TSHZ3: variants seen among roughly 807,000 people sequenced by gnomAD.
The protein encoded by TSHZ3 is teashirt zinc finger homeobox 3, also known as teashirt homolog 3.
A neutral mutation model predicts 64.5 loss-of-function variants in TSHZ3; 10 were observed. The observed-to-expected ratio is 0.16, with a 90% CI of 0.10 to 0.26. TSHZ3 has a LOEUF of 0.26. Ranked by LOEUF, TSHZ3 falls within the 10% of genes least tolerant of loss-of-function variation. TSHZ3 has a pLI of 1.00. For missense variants in TSHZ3, 1,242 were observed against 1,421.7 expected (o/e 0.87, Z 2.03); for synonymous variants, 608 against 593.1 (o/e 1.03, Z -0.36).
chr19:31,183,010 C>T (rs1568339914), intron 5 of TSHZ3, among the ~76,000 whole-genome samples: 1 of 151,974 alleles, frequency 6.6e-6, no homozygotes, highest in Admixed American at 6.6e-5. Flanking sequence ...CAGTTGAAGG[C>T]CTTAAGAAAA....
chr19:31,234,520 T>C (rs1040595369), intron 3 of TSHZ3, among the ~76,000 whole-genome samples: 4 of 152,198 alleles, frequency 2.6e-5, no homozygotes, highest in Admixed American at 6.5e-5. Flanking sequence ...ATGATTTTCA[T>C]AGATGCCCAC....
intron 4 of TSHZ3, among the ~76,000 whole-genome samples, chr19:31,221,678 T>G (rs944418597): frequency 6.6e-6 from 1 of 152,226 alleles, no homozygotes; most frequent in African/African-American, 2.4e-5. Flanking sequence ...GTTATTTACA[T>G]GTCTACTCCC....
Position 31,168,575 on chromosome 19 carries a change from G to A in TSHZ3, n.810-12158C>T, listed in dbSNP as rs1974489563. On this transcript the variant is annotated intron_variant and non_coding_transcript_variant, in intron 5 of 6. Transcript: ENST00000651361. The stretch of plus-strand genomic sequence containing the variant: ...AACACCATAGGCTCTGAAGATTGAA[G>A]CGTATTATCATGACTAACTCAAAGG... Among the ~76,000 whole-genome samples, 4 of 152,356 alleles carry A rather than the reference G, an allele frequency of 2.6e-5. 1 individual carries two copies. The South Asian group carries it at 8.3e-4, about 32-fold the overall frequency.
At chr19:31,249,440 C>A (rs762911291) in intron 1 of TSHZ3, among the ~76,000 whole-genome samples, 1 of 152,230 alleles carries the variant, frequency 6.6e-6, no homozygotes, top group South Asian at 2.1e-4. Flanking sequence ...CCTGTCTGCC[C>A]GGGTCAACTG....
intron 5 of TSHZ3, among the ~76,000 whole-genome samples, chr19:31,193,829 C>A (rs887251217): frequency 6.6e-6 from 1 of 152,008 alleles, no homozygotes; most frequent in African/African-American, 2.4e-5. Context: ...GGAAAATTGG[C>A]AATGCAATTT....
downstream of TSHZ3, among the ~76,000 whole-genome samples, chr19:31,272,724 T>C (rs1029049244): frequency 6.6e-6 from 1 of 152,234 alleles, no homozygotes; most frequent in Non-Finnish European, 1.5e-5. Context: ...GAGCACATCA[T>C]AGCACCATAA....
intron 5 of TSHZ3, among the ~76,000 whole-genome samples, chr19:31,183,204 CTCTCTCTCTCTCTCTCTCTCTCTT>C (rs1322079595): frequency 2.6e-5 from 2 of 77,154 alleles, no homozygotes; most frequent in Non-Finnish European, 4.7e-5. Flanking sequence ...CTCTCTCTCT[CTCTCTCTCTCTCTCTCTCTCTCTT>C]TCTCTCTCTC....
chr19:31,344,893 G>A (rs190901023), intron 1 of TSHZ3, among the ~76,000 whole-genome samples: 57 of 152,312 alleles, frequency 3.7e-4, no homozygotes, highest in Admixed American at 1.2e-3. Flanking sequence ...TTAGGGAATC[G>A]CTGCTGAGGC....
At chr19:31,205,794 A>T (rs940145144) in intron 4 of TSHZ3, among the ~76,000 whole-genome samples, 2 of 152,218 alleles carry the variant, frequency 1.3e-5, no homozygotes, top group African/African-American at 4.8e-5. Flanking sequence ...AACTTAGCTG[A>T]TAAATACAAG....
chr19:31,213,391 A>AAAAAAAAG (rs1975286728), intron 4 of TSHZ3, among the ~76,000 whole-genome samples: 2 of 145,292 alleles, frequency 1.4e-5, no homozygotes, highest in Non-Finnish European at 3.0e-5. Context: ...AAAAAAAAAA[A>AAAAAAAAG]TCAGTGGTGT....
At chr19:31,303,408 G>T (rs908258992) in intron 1 of TSHZ3, among the ~76,000 whole-genome samples, 3 of 152,220 alleles carry the variant, frequency 2.0e-5, no homozygotes, top group African/African-American at 7.2e-5. Context: ...GCTCACCGGA[G>T]ACGCACTTGG....
intron 1 of TSHZ3, among the ~76,000 whole-genome samples, chr19:31,331,595 T>A (rs970032580): frequency 6.6e-6 from 1 of 152,060 alleles, no homozygotes; most frequent in Non-Finnish European, 1.5e-5. Context: ...AAGATGCATT[T>A]TCTGGAAATG....
At chr19:31,270,277 G>T (rs914337850), downstream of TSHZ3, among the ~76,000 whole-genome samples, 6 of 152,204 alleles carry the variant, frequency 3.9e-5, no homozygotes, top group Non-Finnish European at 8.8e-5. Context: ...TCACTGAGAT[G>T]TGAGCTCTTA....
intron 1 of TSHZ3, among the ~76,000 whole-genome samples, chr19:31,282,782 A>C (rs1713090900): frequency 6.6e-6 from 1 of 152,156 alleles, no homozygotes; most frequent in African/African-American, 2.4e-5. Flanking sequence ...TGGTGGAACA[A>C]GATCCAACTC....
In TSHZ3 at chr19:31,316,254, G is replaced by T. The variant is rs566407724; in HGVS notation, c.40+32926C>A. On this transcript the variant is annotated intron_variant, in intron 1 of 1. Coordinates refer to ENST00000240587, the MANE Select transcript of TSHZ3 (RefSeq NM_020856.4). ...AAAATGCCTTTCCCATTTTCCAGGG[G>T]GAAATCTGCCTAAATCTCCCAAAGC... Among the ~76,000 whole-genome samples the T allele has an allele frequency of 2.6e-5, 4 of 152,278 alleles. No homozygotes were observed. In the South Asian group the frequency reaches 8.3e-4, roughly 32 times the overall value.
chr19:31,338,719 GAA>G (rs1166075128), intron 1 of TSHZ3, among the ~76,000 whole-genome samples: 1 of 151,886 alleles, frequency 6.6e-6, no homozygotes, highest in Non-Finnish European at 1.5e-5. Flanking sequence ...GAGGGAGAGA[GAA>G]AGTTGCCTGT....
intron 5 of TSHZ3, among the ~76,000 whole-genome samples, chr19:31,190,895 A>T (rs1488015169): frequency 5.5e-5 from 1 of 18,220 alleles, no homozygotes; most frequent in Non-Finnish European, 1.4e-4. Flanking sequence ...ATTCTAGAAT[A>T]AAAAAAATGT....
intron 5 of TSHZ3, among the ~76,000 whole-genome samples, chr19:31,173,435 A>T (rs761624094): frequency 3.9e-5 from 6 of 152,208 alleles, no homozygotes; most frequent in Admixed American, 1.3e-4. Context: ...AGTACAAAAG[A>T]CTATACTGCA....
intron 5 of TSHZ3, among the ~76,000 whole-genome samples, chr19:31,185,171 G>A (rs994692798): frequency 6.6e-6 from 1 of 150,698 alleles, no homozygotes; most frequent in African/African-American, 2.4e-5. Flanking sequence ...CTTCCCTTCC[G>A]CCAGTGGCCG....
Sources: allele counts gnomAD v4.1 joint callset (sites outside exome capture counted in the v4.1 genomes callset), GRCh38; gene constraint gnomAD v4.1.1; transcripts MANE v1.5; gene names NCBI Gene and HGNC (gene_info 2026-07-23, HGNC 2026-07-21).